Variants in TMTC2 observed in about 807,000 individuals in gnomAD.
TMTC2 encodes transmembrane O-mannosyltransferase targeting cadherins 2, also known as protein O-mannosyl-transferase TMTC2.
Under a neutral mutation model 82.4 loss-of-function variants are expected in TMTC2, and 43 were observed. The ratio of observed to expected loss-of-function variants is 0.52; its 90% CI spans 0.41 to 0.67. The LOEUF (loss-of-function observed/expected upper bound fraction) is 0.67, where lower values mean the gene tolerates loss of function less well. Ranked by LOEUF, TMTC2 falls within the 30% of genes least tolerant of loss-of-function variation. The probability of loss-of-function intolerance (pLI) is 0.00; values close to 1 mark genes in which losing one functional copy is unlikely to be tolerated. For missense variants in TMTC2, 919 were observed against 1,012.4 expected (o/e 0.91, Z 1.25); for synonymous variants, 408 against 381.9 (o/e 1.07, Z -0.80).
chr12:83,030,720 G>T, intron 8 of TMTC2, 78 bp from the exon 9 acceptor site: 7 of 1,104,450 alleles, frequency 6.3e-6, no homozygotes, highest in South Asian at 4.3e-5. Flanking sequence ...TAGACATTTG[G>T]CTACTTCAGT....
At chr12:82,924,733 G>C (rs1029803372) in intron 3 of TMTC2, among the ~76,000 whole-genome samples, 3 of 152,168 alleles carry the variant, frequency 2.0e-5, no homozygotes, top group Admixed American at 6.5e-5. Flanking sequence ...TTGCCATCTA[G>C]ATTACCGCAG....
chr12:82,829,107 C>T (rs1473808183), intron 1 of TMTC2, among the ~76,000 whole-genome samples: 1 of 152,138 alleles, frequency 6.6e-6, no homozygotes, highest in Non-Finnish European at 1.5e-5. Context: ...AGTCTTAAAA[C>T]ACTTTTAATT....
At chr12:82,950,424 A>G (rs931031858) in intron 4 of TMTC2, among the ~76,000 whole-genome samples, 3 of 152,224 alleles carry the variant, frequency 2.0e-5, no homozygotes, top group African/African-American at 7.2e-5. Context: ...TACAAAGTAA[A>G]TTATGCATAT....
intron 1 of TMTC2, among the ~76,000 whole-genome samples, chr12:82,830,008 A>G (rs1869662117): frequency 6.6e-6 from 1 of 152,194 alleles, no homozygotes; most frequent in Non-Finnish European, 1.5e-5. Context: ...GATAATCCTG[A>G]ACTATGTAGA....
intron 7 of TMTC2, among the ~76,000 whole-genome samples, chr12:82,981,429 C>T (rs934653571): frequency 2.0e-5 from 3 of 151,844 alleles, no homozygotes; most frequent in Non-Finnish European, 4.4e-5. Context: ...ATTTGTTCTA[C>T]ATCTGAAACT....
intron 4 of TMTC2, among the ~76,000 whole-genome samples, chr12:82,940,528 A>T (rs1033168211): frequency 2.0e-5 from 3 of 150,094 alleles, no homozygotes; most frequent in Non-Finnish European, 4.4e-5. Flanking sequence ...CGTAATTTCA[A>T]TTTTTTGCTG....
chr12:83,018,303 C>T (rs1189537477), intron 8 of TMTC2, among the ~76,000 whole-genome samples: 4 of 152,162 alleles, frequency 2.6e-5, no homozygotes, highest in Admixed American at 6.5e-5. Context: ...ACCATCCCCA[C>T]AGGGTTTAAA....
intron 11 of TMTC2, among the ~76,000 whole-genome samples, chr12:83,127,674 C>G (rs1443846845): frequency 6.6e-6 from 1 of 152,046 alleles, no homozygotes. Flanking sequence ...TAAGCTTAGG[C>G]CAGAACAATG....
intron 1 of TMTC2, among the ~76,000 whole-genome samples, chr12:82,749,416 T>A (rs1219210655): frequency 6.6e-6 from 1 of 152,160 alleles, no homozygotes; most frequent in African/African-American, 2.4e-5. Context: ...AAGCAAACAA[T>A]TTTTTTACTT....
At chr12:82,937,755 TA>T (rs1876424027) in intron 4 of TMTC2, among the ~76,000 whole-genome samples, 1 of 88,456 alleles carries the variant, frequency 1.1e-5, no homozygotes, top group African/African-American at 5.2e-5. Flanking sequence ...TGTGTGTATA[TA>T]TATATATATA....
chr12:82,706,957 T>C (rs1210489422), intron 1 of TMTC2, among the ~76,000 whole-genome samples: 3 of 152,226 alleles, frequency 2.0e-5, no homozygotes, highest in African/African-American at 4.8e-5. Flanking sequence ...ACGCCTGTAT[T>C]TGCTACTTTC....
intron 8 of TMTC2, among the ~76,000 whole-genome samples, chr12:83,023,628 G>A (rs1336699148): frequency 6.6e-6 from 1 of 152,206 alleles, no homozygotes; most frequent in East Asian, 1.9e-4. Context: ...GGGCTTCAGG[G>A]AAGCTTTGCT....
rs150160229 is a variant in TMTC2, at chr12:82,777,708, A to G, written c.84-79302A>G. Reference sequence around the variant, plus strand: ...AACTGCCAGTAGCAAACGTTTATATACCATCTCATTCCAAATGCCTATTCT... The same window carrying G: ...AACTGCCAGTAGCAAACGTTTATATGCCATCTCATTCCAAATGCCTATTCT... On this transcript the variant is annotated intron_variant, in intron 1 of 11. Coordinates refer to ENST00000321196, the MANE Select transcript of TMTC2 (RefSeq NM_152588.3). 4.5e-3 allele frequency among the ~76,000 whole-genome samples: 678 copies of G among 152,224 alleles called. 1 individual carries two copies. Among genetic ancestry groups the G allele is most frequent in the African/African-American group, 0.016 (645 of 41,542 alleles).
At chr12:83,045,735 A>G (rs1245209157) in intron 9 of TMTC2, among the ~76,000 whole-genome samples, 1 of 150,966 alleles carries the variant, frequency 6.6e-6, no homozygotes, top group Admixed American at 6.6e-5. Context: ...ACGCACACAC[A>G]CACACACACA....
chr12:82,703,682 G>A (rs1439997344), intron 1 of TMTC2, among the ~76,000 whole-genome samples: 1 of 151,744 alleles, frequency 6.6e-6, no homozygotes, highest in African/African-American at 2.4e-5. Flanking sequence ...CTATTTTTTG[G>A]TAGAGACGGG....
chr12:82,874,631 A>G (rs115449920), intron 2 of TMTC2, among the ~76,000 whole-genome samples: 1,536 of 152,130 alleles, frequency 0.01, 32 homozygotes, highest in African/African-American at 0.035. Flanking sequence ...TTAAAATAAT[A>G]CCCCCTTTTC....
chr12:83,010,991 T>C (rs574941736), intron 8 of TMTC2, among the ~76,000 whole-genome samples: 1 of 152,198 alleles, frequency 6.6e-6, no homozygotes, highest in East Asian at 1.9e-4. Context: ...TGTGACTCCA[T>C]GCCCAGCTAA....
intron 8 of TMTC2, among the ~76,000 whole-genome samples, chr12:83,006,254 C>CTG (rs1304316231): frequency 6.6e-6 from 1 of 152,098 alleles, no homozygotes; most frequent in African/African-American, 2.4e-5. Context: ...CGTTGCCTCT[C>CTG]TGTCAACTCT....
intron 8 of TMTC2, among the ~76,000 whole-genome samples, chr12:83,013,762 C>T (rs115916988): frequency 4.1e-4 from 63 of 152,314 alleles, no homozygotes; most frequent in African/African-American, 7.9e-4. Flanking sequence ...CTGAAATTCT[C>T]CAACTTCCTT....
Sources: gnomAD v4.1 joint callset for allele counts (sites outside exome capture counted in the v4.1 genomes callset) on GRCh38, gnomAD v4.1.1 for gene constraint, MANE v1.5 for transcripts, NCBI Gene and HGNC (gene_info 2026-07-23, HGNC 2026-07-21) for gene names.